Variants in CACNA2D3 observed in about 807,000 individuals in gnomAD.
CACNA2D3 encodes the protein calcium voltage-gated channel auxiliary subunit alpha2delta 3.
Under a neutral mutation model 160.6 loss-of-function variants are expected in CACNA2D3, and 60 were observed. The observed-to-expected ratio is 0.37, with a 90% CI of 0.30 to 0.46. CACNA2D3 has a LOEUF of 0.46. Ranked by LOEUF, CACNA2D3 falls within the 20% of genes least tolerant of loss-of-function variation. The pLI, the probability that CACNA2D3 is intolerant of heterozygous loss-of-function variation, is 1.00. For synonymous variants in CACNA2D3, 558 were observed against 492.9 expected (o/e 1.13, Z -1.75); for missense variants, 1,205 against 1,365.0 (o/e 0.88, Z 1.85).
chr3:55,053,390 A>T (rs1205537717), intron 35 of CACNA2D3, among the ~76,000 whole-genome samples: 1 of 151,994 alleles, frequency 6.6e-6, no homozygotes, highest in Non-Finnish European at 1.5e-5. Context: ...AAATAAGGAA[A>T]TCAGTATAGA....
chr3:54,614,702 T>C (rs1345385648), intron 9 of CACNA2D3, among the ~76,000 whole-genome samples: 2 of 152,218 alleles, frequency 1.3e-5, no homozygotes, highest in African/African-American at 4.8e-5. Context: ...GATTCTAGGT[T>C]AGGGGCAGAA....
chr3:54,600,328 G>A (rs1292472507), intron 9 of CACNA2D3, among the ~76,000 whole-genome samples: 3 of 152,184 alleles, frequency 2.0e-5, no homozygotes, highest in Admixed American at 1.3e-4. Context: ...AAAGCAGAAG[G>A]TATTTCTGCT....
chr3:54,828,585 T>C (rs1703795036), intron 14 of CACNA2D3, among the ~76,000 whole-genome samples: 1 of 152,222 alleles, frequency 6.6e-6, no homozygotes, highest in Admixed American at 6.5e-5. Flanking sequence ...ATAACAATTT[T>C]ATTAGAAGAG....
At chr3:54,664,584 G>A (rs140188322) in intron 11 of CACNA2D3, among the ~76,000 whole-genome samples, 3 of 152,272 alleles carry the variant, frequency 2.0e-5, no homozygotes, top group East Asian at 3.9e-4. Context: ...AAATGAAACC[G>A]CCTGGTTGTA....
intron 11 of CACNA2D3, among the ~76,000 whole-genome samples, chr3:54,714,080 T>C (rs570228567): frequency 2.6e-5 from 4 of 152,156 alleles, no homozygotes; most frequent in Non-Finnish European, 5.9e-5. Flanking sequence ...GAAAGAAATA[T>C]GTTGCAGGTC....
chr3:54,388,444 G>A (rs553471913), intron 4 of CACNA2D3, among the ~76,000 whole-genome samples: 7 of 152,176 alleles, frequency 4.6e-5, no homozygotes, highest in African/African-American at 7.2e-5. Flanking sequence ...AAAATATCAA[G>A]TCCATCATCA....
At chr3:54,878,571 C>CT (rs113938879) in intron 18 of CACNA2D3, 5,435 of 141,402 alleles carry the variant, frequency 0.038, 295 homozygotes, top group African/African-American at 0.12. Context: ...AATGCTTGGC[C>CT]TTTTTTTTTT....
chr3:54,864,277 C>CTT (rs111622287), intron 17 of CACNA2D3, among the ~76,000 whole-genome samples: 3 of 144,106 alleles, frequency 2.1e-5, no homozygotes, highest in African/African-American at 7.6e-5. Context: ...TGTAGGTGTT[C>CTT]TTTTTTTTTT....
chr3:54,654,155 G>T (rs1268442955), intron 11 of CACNA2D3, among the ~76,000 whole-genome samples: 2 of 152,078 alleles, frequency 1.3e-5, no homozygotes, highest in Admixed American at 6.5e-5. Flanking sequence ...CTCTTAAATT[G>T]TAGCACATTG....
intron 35 of CACNA2D3, among the ~76,000 whole-genome samples, chr3:55,052,504 C>T (rs988992620): frequency 6.6e-6 from 1 of 151,554 alleles, no homozygotes; most frequent in African/African-American, 2.4e-5. Flanking sequence ...ATAAATGTTA[C>T]TTAGGTAAAG....
intron 3 of CACNA2D3, among the ~76,000 whole-genome samples, chr3:54,382,170 A>G (rs1699113926): frequency 6.6e-6 from 1 of 152,218 alleles, no homozygotes; most frequent in Non-Finnish European, 1.5e-5. Flanking sequence ...CTAAAAAAGG[A>G]ATTCATATAA....
At chr3:55,032,194 A>C (rs1703701850) in intron 35 of CACNA2D3, among the ~76,000 whole-genome samples, 1 of 152,140 alleles carries the variant, frequency 6.6e-6, no homozygotes. Flanking sequence ...TATGTGCTGG[A>C]GTTGAATTAA....
chr3:55,009,017 T>C (rs1197421003), intron 33 of CACNA2D3, among the ~76,000 whole-genome samples: 1 of 152,130 alleles, frequency 6.6e-6, no homozygotes, highest in Non-Finnish European at 1.5e-5. Context: ...AATATTCTAT[T>C]TGTATTTCTG....
intron 27 of CACNA2D3, among the ~76,000 whole-genome samples, chr3:54,942,207 T>C (rs1335429007): frequency 6.6e-6 from 1 of 152,196 alleles, no homozygotes; most frequent in Non-Finnish European, 1.5e-5. Context: ...TGCCCAGGTG[T>C]GTCAGTGCTT....
chr3:54,802,399 T>C lies in CACNA2D3; in HGVS notation c.1381-14454T>C, dbSNP rs17054407. Among the ~76,000 whole-genome samples, 1,854 of 152,300 alleles carry C rather than the reference T, an allele frequency of 0.012. 69 individuals are homozygous for C. In the East Asian group the frequency reaches 0.15, roughly 12 times the overall value. ...AAAAACCAGAATAGCTTCCAGACTT[T>C]GGAGAAATATGATGTCCCATGTGTT... is the stretch of plus-strand genomic sequence containing the variant. On this transcript the variant is annotated intron_variant, in intron 13 of 37. Transcript: ENST00000474759.
chr3:54,571,483 C>T (rs905375744), intron 8 of CACNA2D3, among the ~76,000 whole-genome samples: 6 of 152,010 alleles, frequency 3.9e-5, no homozygotes, highest in African/African-American at 1.5e-4. Context: ...TTACAATCTC[C>T]AGTTCTTTTT....
At chr3:54,641,781 A>G (rs1349417595) in intron 10 of CACNA2D3, among the ~76,000 whole-genome samples, 1 of 152,144 alleles carries the variant, frequency 6.6e-6, no homozygotes, top group Non-Finnish European at 1.5e-5. Flanking sequence ...AGTTCTCCCA[A>G]AACTCCAAAG....
At chr3:54,453,406 A>C (rs534369949) in intron 4 of CACNA2D3, among the ~76,000 whole-genome samples, 14 of 152,290 alleles carry the variant, frequency 9.2e-5, no homozygotes, top group African/African-American at 3.4e-4. Context: ...TAAGGTCACA[A>C]TCACAGGTAC....
intron 4 of CACNA2D3, among the ~76,000 whole-genome samples, chr3:54,468,819 C>T (rs757170108): frequency 3.3e-5 from 5 of 152,114 alleles, no homozygotes; most frequent in Non-Finnish European, 4.4e-5. Flanking sequence ...CTGGGAAGTT[C>T]GAACTGGGTG....
Sources: gnomAD v4.1 joint callset for allele counts (sites outside exome capture counted in the v4.1 genomes callset) on GRCh38, gnomAD v4.1.1 for gene constraint, MANE v1.5 for transcripts, NCBI Gene and HGNC (gene_info 2026-07-23, HGNC 2026-07-21) for gene names.